The following KIRREL3 variants were observed in gnomAD, a reference collection of about 807,000 sequenced individuals.
KIRREL3 encodes kin of IRRE-like protein 3.
In KIRREL3, 36 loss-of-function variants were observed where a neutral mutation model predicts 89.7. That is an observed-to-expected ratio of 0.40 (90% confidence interval 0.31 to 0.53). The LOEUF is 0.53. KIRREL3 is among the 20% of genes least tolerant of loss of function. KIRREL3 has a pLI of 0.49. For missense variants in KIRREL3, 864 were observed against 1,056.6 expected, an observed-to-expected ratio of 0.82 and a Z score of 2.53; for synonymous variants, 445 against 441.4, an observed-to-expected ratio of 1.01 and a Z score of -0.10.
rs1346703947 is a variant in KIRREL3 at position 126,537,171 on chromosome 11, C to T, written c.134-10484G>A. Among the ~76,000 whole-genome samples the T allele has an allele frequency of 6.6e-6, 1 of 152,176 alleles. No homozygotes were observed. The highest frequency in any genetic ancestry group is 1.5e-5 in the Non-Finnish European group (1 of 68,032). On this transcript the variant is annotated intron_variant, in intron 2 of 16. Transcript: ENST00000525144. The surrounding 1 kb of genome is among the most constrained non-coding windows in gnomAD (Gnocchi z 4.3). ...TAATATAAGGATGGAAATGCTTGTCCTTGCTTCTAAGGAGCCTGGTGCTGA... is the reference window on the plus strand; with the variant it reads ...TAATATAAGGATGGAAATGCTTGTCTTTGCTTCTAAGGAGCCTGGTGCTGA...
rs1249122078 is a variant in KIRREL3 at position 126,498,066 on chromosome 11, G to C, written c.433+23249C>G. On this transcript the variant is annotated intron_variant, in intron 4 of 16. Transcript: ENST00000525144. This position sits in a 1 kb window ranked among gnomAD's most constrained non-coding sequence, Gnocchi z 4.3. Reference sequence around the variant, plus strand: ...GACAAGGAAGCAGAGGCTCAGAGAGGGTAAATGACTTGCCCCAAATCACAC... The same window carrying C: ...GACAAGGAAGCAGAGGCTCAGAGAGCGTAAATGACTTGCCCCAAATCACAC... Among the ~76,000 whole-genome samples, 1 of 152,184 alleles carries C rather than the reference G, an allele frequency of 6.6e-6. No homozygotes were observed. The highest frequency in any genetic ancestry group is 6.5e-5 in the Admixed American group (1 of 15,286).
intron 1 of KIRREL3, among the ~76,000 whole-genome samples, chr11:126,819,055 G>A (rs1356446917): frequency 3.3e-5 from 5 of 152,210 alleles, no homozygotes; most frequent in Admixed American, 6.5e-5. Flanking sequence ...GAAGGTGGCA[G>A]CCATGTGCAT....
chr11:126,741,387 C>T (rs1043618054), intron 1 of KIRREL3, among the ~76,000 whole-genome samples: 6 of 152,146 alleles, frequency 3.9e-5, no homozygotes, highest in African/African-American at 1.2e-4. Context: ...TGTTGGCTCC[C>T]GTGGGGCCAG....
rs748070267 is a variant in KIRREL3 at position 126,719,112 on chromosome 11, C to G, written c.56-156200G>C. ...CTTTTACAGAACTCAGAAGAGCTGT[C>G]TCTCACTGTCTCCTTCATCTAGACA... On this transcript the variant is annotated intron_variant, in intron 1 of 16. Transcript: ENST00000525144. The surrounding 1 kb of genome is among the most constrained non-coding windows in gnomAD (Gnocchi z 4.7). Among the ~76,000 whole-genome samples the G allele has an allele frequency of 6.6e-5, 10 of 152,228 alleles. No homozygotes were observed. Among genetic ancestry groups the G allele is most frequent in the Admixed American group, 2.6e-4 (4 of 15,284 alleles).
At chr11:126,483,195 T>C (rs116723654) in intron 4 of KIRREL3, among the ~76,000 whole-genome samples, 3,234 of 152,340 alleles carry the variant, frequency 0.021, 119 homozygotes, top group African/African-American at 0.069. Flanking sequence ...TAAGTTCTTC[T>C]GGTTTGTTAC....
chr11:126,450,930 CAT>C (rs560707325), intron 7 of KIRREL3, among the ~76,000 whole-genome samples: 7 of 124,616 alleles, frequency 5.6e-5, no homozygotes, highest in African/African-American at 1.8e-4. Context: ...TGCATGTGTG[CAT>C]GTGTGTGGGC....
rs529831148 is a variant in KIRREL3, at chr11:126,975,967, C to A, written c.55+24488G>T. On this transcript the variant is annotated intron_variant, in intron 1 of 16. Transcript: ENST00000525144. Reference sequence around the variant, plus strand: ...TCCTTCCTTCCCTCCGTCCCCATATCCAAGCTTTCAGTATATGCCCCAGTT... The same window carrying A: ...TCCTTCCTTCCCTCCGTCCCCATATACAAGCTTTCAGTATATGCCCCAGTT... Among the ~76,000 whole-genome samples, 3 of 138,056 alleles carry A rather than the reference C, an allele frequency of 2.2e-5. No homozygotes were observed. In the South Asian group the frequency reaches 7.9e-4, roughly 36 times the overall value. 90.6% of individuals were successfully genotyped at this position (138,056 alleles called of 152,430 possible).
At position 126,969,449 on chromosome 11, in the gene KIRREL3, C is replaced by T. The variant is rs1373824571; in HGVS notation, c.55+31006G>A. Among the ~76,000 whole-genome samples, 1 of 152,060 alleles carries T rather than the reference C, an allele frequency of 6.6e-6. No individual in the cohort carries two copies. Among genetic ancestry groups the T allele is most frequent in the East Asian group, 1.9e-4 (1 of 5,170 alleles). On this transcript the variant is annotated intron_variant, in intron 1 of 16. Transcript: ENST00000525144. This position sits in a 1 kb window ranked among gnomAD's most constrained non-coding sequence, Gnocchi z 4.9. ...GAAAAAAGCCACTGAGGAGGTGACA[C>T]CCAGCGGTATCTGGAAGAATGAACA... is the stretch of plus-strand genomic sequence containing the variant.
intron 1 of KIRREL3, among the ~76,000 whole-genome samples, chr11:126,980,447 T>A (rs1161556052): frequency 4.6e-5 from 7 of 152,136 alleles, no homozygotes. Context: ...GGGTAGCCAG[T>A]GGGCTTGCTG....
chr11:126,552,724 C>G (rs1342978701), intron 2 of KIRREL3, among the ~76,000 whole-genome samples: 2 of 151,850 alleles, frequency 1.3e-5, no homozygotes, highest in Non-Finnish European at 1.5e-5. Context: ...CCATGCCCAG[C>G]TAATTTTTTT....
In KIRREL3 at chr11:126,594,360, C is replaced by T. The variant is rs681285; in HGVS notation, c.56-31448G>A. ...ACCTGGATGAATTCCATCTCCCTCA[C>T]TGGACCAGAAGCTCCTCGAGGAAAC... On this transcript the variant is annotated intron_variant, in intron 1 of 16. Coordinates refer to ENST00000525144, the MANE Select transcript of KIRREL3 (RefSeq NM_032531.4). The surrounding 1 kb of genome is among the most constrained non-coding windows in gnomAD (Gnocchi z 5.0). 0.78 allele frequency among the ~76,000 whole-genome samples: 118,343 copies of T among 152,054 alleles called. 46,086 individuals are homozygous for T. The highest frequency in any genetic ancestry group is 0.8 in the South Asian group (3,838 of 4,800).
rs2134174329 is a variant in KIRREL3, at chr11:126,723,044, T to G, written c.56-160132A>C. 6.6e-6 allele frequency among the ~76,000 whole-genome samples: 1 copy of G among 152,346 alleles called. No individual in the cohort carries two copies. Among genetic ancestry groups the G allele is most frequent in the Non-Finnish European group, 1.5e-5 (1 of 68,036 alleles). On this transcript the variant is annotated intron_variant, in intron 1 of 16. Coordinates refer to ENST00000525144, the MANE Select transcript of KIRREL3 (RefSeq NM_032531.4). The surrounding 1 kb of genome is among the most constrained non-coding windows in gnomAD (Gnocchi z 4.0). ...TTCTTCATCTATTCCTCTTACAGTC[T>G]TCTGTGGCTGCACATAGTGTACGGT... is the stretch of plus-strand genomic sequence containing the variant.
chr11:126,508,330 G>T lies in KIRREL3; in HGVS notation c.433+12985C>A, dbSNP rs955606611. On this transcript the variant is annotated intron_variant, in intron 4 of 16. Transcript: ENST00000525144. This position sits in a 1 kb window ranked among gnomAD's most constrained non-coding sequence, Gnocchi z 4.9. ...CCCCTTGGAAAAACCTCCTTCACAC[G>T]GACAGAACAATTTAGAGGCTCAGAG... 1.3e-5 allele frequency among the ~76,000 whole-genome samples: 2 copies of T among 152,102 alleles called. No individual in the cohort carries two copies. The highest frequency in any genetic ancestry group is 4.8e-5 in the African/African-American group (2 of 41,422).
chr11:126,663,845 A>G (rs1432113730), intron 1 of KIRREL3, among the ~76,000 whole-genome samples: 1 of 152,256 alleles, frequency 6.6e-6, no homozygotes, highest in Admixed American at 6.5e-5. Flanking sequence ...TGAGCAAGAA[A>G]GATGGGGAAT....
chr11:126,670,182 C>T (rs1232645999), intron 1 of KIRREL3, among the ~76,000 whole-genome samples: 1 of 152,166 alleles, frequency 6.6e-6, no homozygotes, highest in East Asian at 1.9e-4. Flanking sequence ...TCTCTCCTTG[C>T]CACCTAAAAT....
At position 126,668,697 on chromosome 11, in the gene KIRREL3, C is replaced by CTT. The variant is rs1336852093; in HGVS notation, c.56-105787_56-105786dup. Among the ~76,000 whole-genome samples the CTT allele has an allele frequency of 4.0e-4, 16 of 39,634 alleles. No individual in the cohort carries two copies. The highest frequency in any genetic ancestry group is 3.4e-3 in the East Asian group (5 of 1,490). The allele number at this position is 39,634 out of a possible 152,430, so 26.0% of individuals were successfully genotyped here. A position where few individuals can be genotyped will look rare whatever the true frequency, so the allele number is the denominator to read the frequency against. The stretch of plus-strand genomic sequence containing the variant: ...GAGCTGTTGGGAAGTTTCTGTTTTT[C>CTT]TTTCTTTCTTTCTTTCTTTCTTTCT... On this transcript the variant is annotated intron_variant, in intron 1 of 16. Coordinates refer to ENST00000525144, the MANE Select transcript of KIRREL3 (RefSeq NM_032531.4). The surrounding 1 kb of genome is among the most constrained non-coding windows in gnomAD (Gnocchi z 4.4).
chr11:126,881,495 C>T (rs1196235935), intron 1 of KIRREL3, among the ~76,000 whole-genome samples: 2 of 152,286 alleles, frequency 1.3e-5, no homozygotes, highest in Admixed American at 6.5e-5. Context: ...CTAGATCTGT[C>T]GCAGCCACTG....
intron 1 of KIRREL3, among the ~76,000 whole-genome samples, chr11:126,691,088 A>G (rs1364581015): frequency 6.6e-6 from 1 of 152,250 alleles, no homozygotes; most frequent in Non-Finnish European, 1.5e-5. Flanking sequence ...TATCAAGGGC[A>G]CAAGAGATAC....
intron 6 of KIRREL3, among the ~76,000 whole-genome samples, chr11:126,457,451 G>A (rs538256982): frequency 1.3e-5 from 2 of 151,886 alleles, no homozygotes; most frequent in South Asian, 4.2e-4. Flanking sequence ...GTGTATGTGT[G>A]TGTATACATG....
Sources: allele counts gnomAD v4.1 joint callset (sites outside exome capture counted in the v4.1 genomes callset), GRCh38; gene constraint gnomAD v4.1.1; non-coding constraint Gnocchi (gnomAD v3.1); transcripts MANE v1.5; gene names NCBI Gene and HGNC (gene_info 2026-07-23, HGNC 2026-07-21).